The following ESRRB variants were observed in gnomAD, a reference collection of about 807,000 sequenced individuals.
ESRRB encodes estrogen related receptor beta, also known as steroid hormone receptor ERR2.
A neutral mutation model predicts 46.0 loss-of-function variants in ESRRB; 16 were observed. The ratio of observed to expected loss-of-function variants is 0.35; its 90% CI spans 0.24 to 0.53. ESRRB has a LOEUF of 0.53. ESRRB is among the 20% of genes least tolerant of loss of function. ESRRB has a pLI of 0.93. For synonymous variants in ESRRB, 246 were observed against 259.6 expected, an observed-to-expected ratio of 0.95 and a Z score of 0.50; for missense variants, 488 against 607.4, an observed-to-expected ratio of 0.80 and a Z score of 2.07.
chr14:76,451,709 T>G (rs1888386845), intron 2 of ESRRB, among the ~76,000 whole-genome samples: 1 of 151,648 alleles, frequency 6.6e-6, no homozygotes, highest in African/African-American at 2.4e-5. Flanking sequence ...TCACTGCAGA[T>G]TCTCCTGGGT....
chr14:76,375,624 C>T (rs1020399315), upstream of ESRRB, among the ~76,000 whole-genome samples: 1 of 152,134 alleles, frequency 6.6e-6, no homozygotes, highest in South Asian at 2.1e-4. Flanking sequence ...ATCTGTTTCT[C>T]TCCTGCCTTC....
intron 2 of ESRRB, among the ~76,000 whole-genome samples, chr14:76,454,290 C>T (rs987397534): frequency 3.0e-4 from 46 of 152,162 alleles, no homozygotes; most frequent in African/African-American, 1.0e-3. Flanking sequence ...AGATATTAAT[C>T]GATTTCCAGG....
At chr14:76,390,748 G>T (rs1251874105) in intron 1 of ESRRB, among the ~76,000 whole-genome samples, 1 of 152,212 alleles carries the variant, frequency 6.6e-6, no homozygotes, top group African/African-American at 2.4e-5. Context: ...GCTAAGTGCG[G>T]GAAGTAAAAA....
chr14:76,397,822 C>T lies in ESRRB; in HGVS notation c.50+21371C>T, dbSNP rs537547996. Among the ~76,000 whole-genome samples the T allele has an allele frequency of 7.9e-5, 12 of 152,286 alleles. No homozygotes were observed. The East Asian group carries it at 9.7e-4, about 12-fold the overall frequency. On this transcript the variant is annotated intron_variant, in intron 1 of 6. Transcript: ENST00000644823. ...TTCTGAATAACCTCGAGGTTTGATA[C>T]TCAGAAATGCACTACCTCCTGAGCA...
chr14:76,455,626 G>A (rs376470010), intron 2 of ESRRB, among the ~76,000 whole-genome samples: 40 of 152,144 alleles, frequency 2.6e-4, no homozygotes, highest in Middle Eastern at 6.8e-3. Flanking sequence ...GTTCATGGGC[G>A]TCCTTAAAAG....
At chr14:76,353,028 G>C (rs1022205303) in intron 1 of ESRRB, among the ~76,000 whole-genome samples, 1 of 152,242 alleles carries the variant, frequency 6.6e-6, no homozygotes, top group African/African-American at 2.4e-5. Flanking sequence ...GGCACGTCCC[G>C]TGGCCACGGA....
At chr14:76,379,548 C>T (rs1206145838) in intron 1 of ESRRB, among the ~76,000 whole-genome samples, 4 of 152,156 alleles carry the variant, frequency 2.6e-5, no homozygotes, top group African/African-American at 9.7e-5. Context: ...ACATCAGTCT[C>T]GGTTTTCCAA....
intron 1 of ESRRB, among the ~76,000 whole-genome samples, chr14:76,423,934 G>C (rs895996749): frequency 6.6e-6 from 1 of 152,110 alleles, no homozygotes; most frequent in African/African-American, 2.4e-5. Flanking sequence ...TTGGGGGGCA[G>C]ATCCTGAGGC....
chr14:76,439,243 G>C, intron 1 of ESRRB, 98 bp from the exon 2 acceptor site: 1 of 1,361,662 alleles, frequency 7.3e-7, no homozygotes, highest in Non-Finnish European at 1.0e-6. Flanking sequence ...CAAAGCCTTA[G>C]CATAGAGCCC....
chr14:76,432,550 G>A (rs1193526595), intron 1 of ESRRB, among the ~76,000 whole-genome samples: 1 of 152,118 alleles, frequency 6.6e-6, no homozygotes, highest in African/African-American at 2.4e-5. Flanking sequence ...TGGAGGTGGT[G>A]TGGGTGGGTT....
At chr14:76,334,651 G>C (rs1478887212) in intron 1 of ESRRB, among the ~76,000 whole-genome samples, 1 of 152,196 alleles carries the variant, frequency 6.6e-6, no homozygotes, top group Non-Finnish European at 1.5e-5. Context: ...GATGTGGGGA[G>C]GGGTGGCTGG....
At chr14:76,392,411 G>A (rs1885507250) in intron 1 of ESRRB, among the ~76,000 whole-genome samples, 1 of 152,206 alleles carries the variant, frequency 6.6e-6, no homozygotes, top group Non-Finnish European at 1.5e-5. Flanking sequence ...AATCTTTACA[G>A]TAATACCTAC....
chr14:76,465,510 A>G (rs1258299526), intron 3 of ESRRB, among the ~76,000 whole-genome samples: 2 of 152,070 alleles, frequency 1.3e-5, no homozygotes, highest in African/African-American at 2.4e-5. Flanking sequence ...CTTGTCAGAG[A>G]AACGAGGTGG....
intron 2 of ESRRB, among the ~76,000 whole-genome samples, chr14:76,460,742 C>T (rs1466578887): frequency 7.4e-6 from 1 of 135,524 alleles, no homozygotes; most frequent in East Asian, 1.9e-4. Context: ...GCTCTTGTCA[C>T]CCAGGCTGGA....
At position 76,376,168 on chromosome 14, in the gene ESRRB, T is replaced by C; in HGVS notation, c.-234T>C. 4 of 388,988 alleles carry C rather than the reference T, an allele frequency of 1.0e-5. No individual in the cohort carries two copies. The highest frequency in any genetic ancestry group is 1.8e-5 in the Non-Finnish European group (4 of 220,664). The allele number at this position is 388,988 out of a possible 1,614,324, so 24.1% of individuals were successfully genotyped here. ...CTTGTGCCCCAGCCTCCTCCACGGC[T>C]TCGCATCCCCTCTGCCCGCTCTCTC... On this transcript the variant is annotated 5_prime_UTR_variant, in exon 1 of 7. Transcript: ENST00000644823. The surrounding 1 kb of genome is among the most constrained non-coding windows in gnomAD (Gnocchi z 4.1).
intron 1 of ESRRB, among the ~76,000 whole-genome samples, chr14:76,358,323 A>AAAGAAAG (rs1884410890): frequency 5.6e-5 from 3 of 53,100 alleles, no homozygotes; most frequent in African/African-American, 1.3e-4. Context: ...AAAAAAAAAA[A>AAAGAAAG]AAAGAAAGAA....
chr14:76,451,897 CCAAAGTGCAGGGA>C (rs1397490714), intron 2 of ESRRB, among the ~76,000 whole-genome samples: 2 of 149,350 alleles, frequency 1.3e-5, no homozygotes, highest in Non-Finnish European at 3.0e-5. Flanking sequence ...TCCTAAAGTG[CCAAAGTGCAGGGA>C]TTACAGGCGT....
upstream of ESRRB, among the ~76,000 whole-genome samples, chr14:76,368,767 AG>A (rs78323172): frequency 2.1e-3 from 316 of 152,348 alleles, 4 homozygotes; most frequent in East Asian, 0.034. Context: ...GCCTTCATGT[AG>A]AATTGTACTG....
At chr14:76,471,330 A>G (rs1284401465) in intron 3 of ESRRB, among the ~76,000 whole-genome samples, 1 of 152,182 alleles carries the variant, frequency 6.6e-6, no homozygotes, top group Non-Finnish European at 1.5e-5. Flanking sequence ...TCCCCCTAGC[A>G]GTGATCTTGT....
Sources: gnomAD v4.1 joint callset for allele counts (sites outside exome capture counted in the v4.1 genomes callset) on GRCh38, gnomAD v4.1.1 for gene constraint, Gnocchi (gnomAD v3.1) non-coding constraint, MANE v1.5 for transcripts, NCBI Gene and HGNC (gene_info 2026-07-23, HGNC 2026-07-21) for gene names.